ADGRL3: variants seen among roughly 807,000 people sequenced by gnomAD.
ADGRL3 encodes adhesion G protein-coupled receptor L3.
In ADGRL3, 62 loss-of-function variants were observed where a neutral mutation model predicts 153.5. That is an observed-to-expected ratio of 0.40 (90% confidence interval 0.33 to 0.50). The LOEUF is 0.50. ADGRL3 is among the 20% of genes least tolerant of loss of function. ADGRL3 has a pLI of 0.47. For synonymous variants in ADGRL3, 710 were observed against 672.5 expected (o/e 1.06, Z -0.86); for missense variants, 1,641 against 1,859.4 (o/e 0.88, Z 2.16).
chr4:61,688,388 G>T (rs1202515539), intron 6 of ADGRL3, among the ~76,000 whole-genome samples: 1 of 152,040 alleles, frequency 6.6e-6, no homozygotes, highest in Admixed American at 6.6e-5. Flanking sequence ...AGTTGAATTT[G>T]TGTTCTAGTT....
chr4:61,927,561 A>G lies in ADGRL3; in HGVS notation c.2113-7279A>G, dbSNP rs1475636114. On this transcript the variant is annotated intron_variant, in intron 13 of 26. Coordinates refer to ENST00000683033, the MANE Select transcript of ADGRL3 (RefSeq NM_001387552.1). ...AGTTCAGAGATTAGTAGTTTTATATACTTAATAATATTAAATGACAGTGGT... is the reference window on the plus strand; with the variant it reads ...AGTTCAGAGATTAGTAGTTTTATATGCTTAATAATATTAAATGACAGTGGT... Among the ~76,000 whole-genome samples the G allele has an allele frequency of 3.3e-5, 5 of 152,248 alleles. No homozygotes were observed. The East Asian group carries it at 9.6e-4, about 29-fold the overall frequency.
intron 1 of ADGRL3, among the ~76,000 whole-genome samples, chr4:61,352,681 G>A (rs559038727): frequency 3.9e-5 from 6 of 152,102 alleles, no homozygotes; most frequent in South Asian, 2.1e-4. Flanking sequence ...CACTGTGCCC[G>A]GCCAAAACAT....
At chr4:61,496,236 A>G (rs1189694353) in intron 2 of ADGRL3, among the ~76,000 whole-genome samples, 2 of 152,078 alleles carry the variant, frequency 1.3e-5, no homozygotes, top group African/African-American at 2.4e-5. Context: ...TTTTGTTTTA[A>G]ACTTATTTAT....
At chr4:61,686,741 T>C (rs555902571) in intron 6 of ADGRL3, among the ~76,000 whole-genome samples, 1 of 152,200 alleles carries the variant, frequency 6.6e-6, no homozygotes, top group South Asian at 2.1e-4. Flanking sequence ...GCTTAAAGGA[T>C]AAGTCCTTCC....
chr4:61,260,065 T>G lies in ADGRL3; in HGVS notation c.-240+58300T>G, dbSNP rs536527382. On this transcript the variant is annotated intron_variant, in intron 1 of 26. Transcript: ENST00000683033. ...GTGTAAGATTAAATGTCAAAATATATGATAAACATGCTATATATTAATACC... is the reference window on the plus strand; with the variant it reads ...GTGTAAGATTAAATGTCAAAATATAGGATAAACATGCTATATATTAATACC... Among the ~76,000 whole-genome samples, 3 of 152,282 alleles carry G rather than the reference T, an allele frequency of 2.0e-5. No individual in the cohort carries two copies. The South Asian group carries it at 6.2e-4, about 32-fold the overall frequency.
At chr4:61,696,943 C>G (rs1174170453) in intron 6 of ADGRL3, among the ~76,000 whole-genome samples, 1 of 152,068 alleles carries the variant, frequency 6.6e-6, no homozygotes, top group Non-Finnish European at 1.5e-5. Flanking sequence ...TCCTAAAGTG[C>G]TAAGATTACA....
rs949388569 is a variant in ADGRL3 at position 61,499,999 on chromosome 4, C to G, written c.55+2651C>G. ...TCACACACACACAGACACACACACA[C>G]ACACACACACACACATACACACACA... On this transcript the variant is annotated intron_variant, in intron 3 of 26. Coordinates refer to ENST00000683033, the MANE Select transcript of ADGRL3 (RefSeq NM_001387552.1). Among the ~76,000 whole-genome samples, 215 of 139,350 alleles carry G rather than the reference C, an allele frequency of 1.5e-3. 2 individuals carry two copies. Among genetic ancestry groups the G allele is most frequent in the South Asian group, 4.0e-3 (17 of 4,234 alleles). 91.4% of individuals were successfully genotyped at this position (139,350 alleles called of 152,430 possible).
At chr4:61,421,713 T>C (rs992477573) in intron 2 of ADGRL3, among the ~76,000 whole-genome samples, 12 of 152,130 alleles carry the variant, frequency 7.9e-5, no homozygotes, top group Non-Finnish European at 1.6e-4. Flanking sequence ...ATAAATATTG[T>C]GATCGGTACC....
intron 3 of ADGRL3, among the ~76,000 whole-genome samples, chr4:61,503,545 G>T (rs2098406448): frequency 2.0e-5 from 3 of 151,306 alleles, no homozygotes; most frequent in South Asian, 4.2e-4. Flanking sequence ...TTTATAAATG[G>T]GTCATTTTTC....
At chr4:61,859,082 G>C (rs911292917) in intron 9 of ADGRL3, among the ~76,000 whole-genome samples, 1 of 152,120 alleles carries the variant, frequency 6.6e-6, no homozygotes, top group Non-Finnish European at 1.5e-5. Context: ...AAATATATGT[G>C]TATATACTAT....
At chr4:61,426,569 G>A (rs199624766) in intron 2 of ADGRL3, among the ~76,000 whole-genome samples, 1 of 56,946 alleles carries the variant, frequency 1.8e-5, no homozygotes, top group African/African-American at 4.9e-5. Flanking sequence ...TCCCATAGAC[G>A]AGGCTACACT....
rs887644422 is a variant in ADGRL3, at chr4:61,486,249, A to AT, written c.-173-10864dup. 2.0e-3 allele frequency among the ~76,000 whole-genome samples: 305 copies of AT among 152,052 alleles called. 2 individuals are homozygous for AT. The highest frequency in any genetic ancestry group is 6.9e-3 in the African/African-American group (286 of 41,494). ...GTGAGCCACCATACCCGGCTATGGA[A>AT]TTTTTTTTAACCAAACTTGACTATA... is the stretch of plus-strand genomic sequence containing the variant. On this transcript the variant is annotated intron_variant, in intron 2 of 26. Coordinates refer to ENST00000683033, the MANE Select transcript of ADGRL3 (RefSeq NM_001387552.1).
intron 4 of ADGRL3, among the ~76,000 whole-genome samples, chr4:61,548,507 G>A (rs1361241806): frequency 2.0e-5 from 3 of 151,990 alleles, no homozygotes; most frequent in African/African-American, 7.2e-5. Flanking sequence ...TGGCTACTTA[G>A]TTATCCCAGC....
intron 4 of ADGRL3, among the ~76,000 whole-genome samples, chr4:61,545,348 G>A (rs2098708670): frequency 6.6e-6 from 1 of 152,134 alleles, no homozygotes; most frequent in Non-Finnish European, 1.5e-5. Context: ...AGTAGAAGCT[G>A]GGTTCAGCTC....
chr4:61,218,749 T>G (rs1306409740), intron 1 of ADGRL3, among the ~76,000 whole-genome samples: 1 of 152,272 alleles, frequency 6.6e-6, no homozygotes, highest in East Asian at 1.9e-4. Flanking sequence ...GTTTCAAGGC[T>G]TAAAGAAAGG....
intron 6 of ADGRL3, among the ~76,000 whole-genome samples, chr4:61,695,747 T>C (rs964357750): frequency 3.9e-5 from 6 of 152,198 alleles, no homozygotes; most frequent in East Asian, 3.9e-4. Flanking sequence ...TTTGTCTACA[T>C]TGATAATTGG....
chr4:61,353,011 C>T (rs1024109483), intron 1 of ADGRL3, among the ~76,000 whole-genome samples: 2 of 151,892 alleles, frequency 1.3e-5, no homozygotes, highest in South Asian at 2.1e-4. Context: ...CTATTTGGCC[C>T]GAGGTTCGAA....
At chr4:61,614,383 A>G (rs2091756064) in intron 5 of ADGRL3, among the ~76,000 whole-genome samples, 1 of 152,166 alleles carries the variant, frequency 6.6e-6, no homozygotes. Flanking sequence ...GTCTGCTAGG[A>G]GGCAGTTAAT....
chr4:61,736,609 G>C (rs528470386), intron 8 of ADGRL3, among the ~76,000 whole-genome samples: 1 of 152,292 alleles, frequency 6.6e-6, no homozygotes, highest in South Asian at 2.1e-4. Context: ...AGCGAGCTGA[G>C]GTTGTGCCAC....
Sources: gnomAD v4.1 joint callset for allele counts (sites outside exome capture counted in the v4.1 genomes callset) on GRCh38, gnomAD v4.1.1 for gene constraint, MANE v1.5 for transcripts, NCBI Gene and HGNC (gene_info 2026-07-23, HGNC 2026-07-21) for gene names.